The following SLCO3A1 variants were observed in gnomAD, a reference collection of about 807,000 sequenced individuals.
SLCO3A1 encodes PGE1 transporter.
A neutral mutation model predicts 63.1 loss-of-function variants in SLCO3A1; 27 were observed. The ratio of observed to expected loss-of-function variants is 0.43; its 90% CI spans 0.32 to 0.59. The LOEUF is 0.59. SLCO3A1 is among the 20% of genes least tolerant of loss of function. The probability of loss-of-function intolerance (pLI) is 0.09; values close to 1 mark genes in which losing one functional copy is unlikely to be tolerated. For synonymous variants in SLCO3A1, 473 were observed against 409.9 expected, an observed-to-expected ratio of 1.15 and a Z score of -1.86; for missense variants, 773 against 945.8, an observed-to-expected ratio of 0.82 and a Z score of 2.40.
intron 9 of SLCO3A1, among the ~76,000 whole-genome samples, chr15:92,155,761 A>G (rs2151598303): frequency 6.6e-6 from 1 of 152,256 alleles, no homozygotes; most frequent in Non-Finnish European, 1.5e-5. Context: ...GTGAAAGCAA[A>G]AGAGAAGCAA....
At position 92,137,672 on chromosome 15, in the gene SLCO3A1, G is replaced by C. The variant is rs1020650061; in HGVS notation, c.1512+9183G>C. ...CTTTTTAATGATTGCCATTCTAACT[G>C]GTGTGAGATGGTATCTCATTGTGGT... On this transcript the variant is annotated intron_variant, in intron 7 of 9. Transcript: ENST00000318445. Among the ~76,000 whole-genome samples, 6 of 108,078 alleles carry C rather than the reference G, an allele frequency of 5.6e-5. 2 individuals carry two copies. The highest frequency in any genetic ancestry group is 3.0e-4 in the African/African-American group (6 of 19,830). The allele number at this position is 108,078 out of a possible 152,430, so 70.9% of individuals were successfully genotyped here. A position where few individuals can be genotyped will look rare whatever the true frequency, so the allele number is the denominator to read the frequency against.
chr15:92,095,647 G>C (rs2047529516), intron 3 of SLCO3A1, among the ~76,000 whole-genome samples: 1 of 152,212 alleles, frequency 6.6e-6, no homozygotes, highest in South Asian at 2.1e-4. Context: ...GTGACAGACA[G>C]TCCCAAAACC....
At chr15:91,958,329 T>C (rs1900314093) in intron 2 of SLCO3A1, among the ~76,000 whole-genome samples, 1 of 152,168 alleles carries the variant, frequency 6.6e-6, no homozygotes, top group African/African-American at 2.4e-5. Flanking sequence ...GGATCAACCG[T>C]ACTTCATTTT....
Position 91,957,142 on chromosome 15 carries a change from TTATA to T in SLCO3A1, c.646+40685_646+40688del, listed in dbSNP as rs1900266741. 7.4e-4 allele frequency among the ~76,000 whole-genome samples: 4 copies of T among 5,436 alleles called. 1 individual carries two copies. Among genetic ancestry groups the T allele is most frequent in the African/African-American group, 6.2e-3 (4 of 650 alleles). 3.6% of individuals were successfully genotyped at this position (5,436 alleles called of 152,430 possible). A position where few individuals can be genotyped will look rare whatever the true frequency, so the allele number is the denominator to read the frequency against. On this transcript the variant is annotated intron_variant, in intron 2 of 9. Coordinates refer to ENST00000318445, the MANE Select transcript of SLCO3A1 (RefSeq NM_013272.4). ...ATATATATAATATATATACTATATA[TTATA>T]ATATATATATATATTTTTTTTTTTA...
intron 2 of SLCO3A1, among the ~76,000 whole-genome samples, chr15:92,060,274 A>G (rs748473699): frequency 1.3e-5 from 2 of 151,954 alleles, no homozygotes; most frequent in Non-Finnish European, 2.9e-5. Flanking sequence ...AATTAACCTT[A>G]GCCAGCTGGG....
At chr15:91,857,355 A>G (rs921723038) in intron 1 of SLCO3A1, among the ~76,000 whole-genome samples, 3 of 152,188 alleles carry the variant, frequency 2.0e-5, no homozygotes, top group African/African-American at 2.4e-5. Flanking sequence ...GGTTACAAAC[A>G]TCTTAACTGG....
chr15:91,911,012 T>C (rs1000521029), intron 1 of SLCO3A1, among the ~76,000 whole-genome samples: 2 of 152,176 alleles, frequency 1.3e-5, no homozygotes, highest in Non-Finnish European at 2.9e-5. Context: ...TTGCCCCTGG[T>C]TGGCACCTTT....
chr15:92,028,997 G>T (rs2046613007), intron 2 of SLCO3A1, among the ~76,000 whole-genome samples: 1 of 146,962 alleles, frequency 6.8e-6, no homozygotes, highest in Admixed American at 6.9e-5. Context: ...AAAACTGCCA[G>T]TTGATTAGAA....
intron 7 of SLCO3A1, among the ~76,000 whole-genome samples, chr15:92,142,635 C>T (rs199613588): frequency 7.7e-4 from 118 of 152,322 alleles, no homozygotes; most frequent in African/African-American, 2.3e-3. Flanking sequence ...CCCTTTGTTT[C>T]GGCTGCAAAT....
chr15:92,048,591 C>G (rs1000176555), intron 2 of SLCO3A1, among the ~76,000 whole-genome samples: 2 of 152,124 alleles, frequency 1.3e-5, no homozygotes, highest in Admixed American at 1.3e-4. Context: ...AAAAATGTCT[C>G]CAGATATGTC....
At chr15:91,858,482 T>C (rs1896976768) in intron 1 of SLCO3A1, among the ~76,000 whole-genome samples, 1 of 152,196 alleles carries the variant, frequency 6.6e-6, no homozygotes, top group Non-Finnish European at 1.5e-5. Flanking sequence ...TATTTATCTT[T>C]GTTTGTGAGG....
chr15:92,134,196 C>G (rs1446123782), intron 7 of SLCO3A1, among the ~76,000 whole-genome samples: 1 of 152,216 alleles, frequency 6.6e-6, no homozygotes, highest in African/African-American at 2.4e-5. Context: ...TGTTTCCTGT[C>G]TGGTTCCAAA....
chr15:91,867,935 C>T (rs1397752501), intron 1 of SLCO3A1, among the ~76,000 whole-genome samples: 1 of 152,242 alleles, frequency 6.6e-6, no homozygotes. Context: ...CTGTGGCCGG[C>T]CGATCCAAGC....
chr15:92,165,045 A>G lies in SLCO3A1; in HGVS notation c.*1910A>G, dbSNP rs1336638501. 2 of 985,292 alleles carry G rather than the reference A, an allele frequency of 2.0e-6. No individual in the cohort carries two copies. Among genetic ancestry groups the G allele is most frequent in the Non-Finnish European group, 2.4e-6 (2 of 829,894 alleles). 61.0% of individuals were successfully genotyped at this position (985,292 alleles called of 1,614,324 possible). A position where few individuals can be genotyped will look rare whatever the true frequency, so the allele number is the denominator to read the frequency against. ...AAACAAAAGAATCAGGAAGTAAAAA[A>G]TGGTTGGGAGTGGGACAGGTATGGT... is the stretch of plus-strand genomic sequence containing the variant. On this transcript the variant is annotated 3_prime_UTR_variant, in exon 10 of 10. Coordinates refer to ENST00000318445, the MANE Select transcript of SLCO3A1 (RefSeq NM_013272.4).
intron 1 of SLCO3A1, among the ~76,000 whole-genome samples, chr15:91,868,307 C>T (rs948100225): frequency 6.7e-6 from 1 of 150,134 alleles, no homozygotes. Flanking sequence ...CTGGCTCGGC[C>T]TCACAAAGTG....
At position 91,865,118 on chromosome 15, in the gene SLCO3A1, C is replaced by T. The variant is rs1567162247; in HGVS notation, c.180+11030C>T. Among the ~76,000 whole-genome samples the T allele has an allele frequency of 6.6e-6, 1 of 152,372 alleles. No individual in the cohort carries two copies. The highest frequency in any genetic ancestry group is 1.9e-4 in the East Asian group (1 of 5,190). On this transcript the variant is annotated intron_variant, in intron 1 of 9. Coordinates refer to ENST00000318445, the MANE Select transcript of SLCO3A1 (RefSeq NM_013272.4). The surrounding 1 kb of genome is among the most constrained non-coding windows in gnomAD (Gnocchi z 4.6). ...TGGTCTCTTACAAGCCTTTCAGATC[C>T]AATTCCACCTTTCACCACAGACTGT... is the stretch of plus-strand genomic sequence containing the variant.
At chr15:92,148,789 TAGCAGAAAAACCTGA>T (rs1479025049) in intron 8 of SLCO3A1, 1 of 152,218 alleles carries the variant, frequency 6.6e-6, no homozygotes, top group Non-Finnish European at 1.5e-5. Context: ...TTAACTATAA[TAGCAGAAAAACCTGA>T]ATTGGAATAG....
chr15:91,888,778 T>A (rs1445383727), intron 1 of SLCO3A1, among the ~76,000 whole-genome samples: 1 of 152,002 alleles, frequency 6.6e-6, no homozygotes, highest in Non-Finnish European at 1.5e-5. Flanking sequence ...AGGCCAGTAG[T>A]TAGATACCAG....
chr15:92,141,184 C>G (rs1404230320), intron 7 of SLCO3A1, among the ~76,000 whole-genome samples: 1 of 152,178 alleles, frequency 6.6e-6, no homozygotes, highest in Non-Finnish European at 1.5e-5. Context: ...GAGAATTCAC[C>G]TCTCGCAGAG....
Sources: gnomAD v4.1 joint callset for allele counts (sites outside exome capture counted in the v4.1 genomes callset) on GRCh38, gnomAD v4.1.1 for gene constraint, Gnocchi (gnomAD v3.1) non-coding constraint, MANE v1.5 for transcripts, NCBI Gene and HGNC (gene_info 2026-07-23, HGNC 2026-07-21) for gene names.